The following LTA4H variants were observed in gnomAD, a reference collection of about 807,000 sequenced individuals.
The protein encoded by LTA4H is leukotriene A-4 hydrolase.
LTA4H carries 59 observed loss-of-function variants against 89.8 expected under a neutral mutation model. The ratio of observed to expected loss-of-function variants is 0.66; its 90% CI spans 0.53 to 0.82. The LOEUF (loss-of-function observed/expected upper bound fraction) is 0.82. Among genes scored for constraint, LTA4H ranks in the 40% least tolerant of loss-of-function variants. The pLI, the probability that LTA4H is intolerant of heterozygous loss-of-function variation, is 0.00. For missense variants in LTA4H, 617 were observed against 727.0 expected (o/e 0.85, Z 1.74); for synonymous variants, 227 against 253.1 (o/e 0.90, Z 0.98).
intron 15 of LTA4H, 123 bp downstream of exon 15, chr12:96,008,971 C>T (rs1399161332): frequency 5.1e-5 from 38 of 740,544 alleles, no homozygotes; most frequent in Non-Finnish European, 8.4e-5. Context: ...TTAGATAAAC[C>T]TGACTTTCAA....
chr12:96,030,458 A>G (rs567929163), intron 1 of LTA4H, among the ~76,000 whole-genome samples: 130 of 152,326 alleles, frequency 8.5e-4, no homozygotes, highest in African/African-American at 3.1e-3. Flanking sequence ...CACACATTGA[A>G]TAGGCTTCTA....
At chr12:96,017,494 T>TTTTAA (rs1950395384) in intron 9 of LTA4H, 63 bp downstream of exon 9, 2 of 1,378,258 alleles carry the variant, frequency 1.5e-6, no homozygotes, top group Non-Finnish European at 2.1e-6. Context: ...ACAAGGGATA[T>TTTTAA]TTTAAAATCA....
In LTA4H at chr12:96,022,316, T is replaced by C. The variant is rs974466525; in HGVS notation, c.481-65A>G. 2.1e-5 allele frequency: 22 copies of C among 1,052,520 alleles called. 1 individual carries two copies. The Admixed American group carries it at 4.1e-4, about 19-fold the overall frequency. The allele number at this position is 1,052,520 out of a possible 1,614,324, so 65.2% of individuals were successfully genotyped here. ...GCTTCTATGTGTCTTAAACCATATA[T>C]GTAAAATAACCTTTTCTTCCCATTC... On this transcript the variant is annotated intron_variant, in intron 4 of 18. Coordinates refer to ENST00000228740, the MANE Select transcript of LTA4H (RefSeq NM_000895.3). This position sits in a 1 kb window ranked among gnomAD's most constrained non-coding sequence, Gnocchi z 4.0.
At chr12:96,043,099 G>T (rs956581265) in intron 1 of LTA4H, among the ~76,000 whole-genome samples, 2 of 152,116 alleles carry the variant, frequency 1.3e-5, no homozygotes, top group African/African-American at 4.8e-5. Context: ...TCGCTTTTGT[G>T]TTATTTCTCC....
Position 96,006,304 on chromosome 12 carries a change from T to C in LTA4H, c.1530+10A>G, listed in dbSNP as rs1950200569. The C allele has an allele frequency of 1.3e-6, 2 of 1,561,236 alleles. No individual in the cohort carries two copies. The highest frequency in any genetic ancestry group is 4.5e-5 in the East Asian group (2 of 44,322). On this transcript the variant is annotated intron_variant, in intron 16 of 18. Coordinates refer to ENST00000228740, the MANE Select transcript of LTA4H (RefSeq NM_000895.3). ...CATTTTAATTTCTAAGATTTTGAGC[T>C]AGTACTTACCCTCTGGAGCGTCTGT...
chr12:96,013,085 T>G, intron 14 of LTA4H, 103 bp downstream of exon 14: 2 of 869,170 alleles, frequency 2.3e-6, no homozygotes. Context: ...TTTCATCATT[T>G]ACTAGTAACA....
rs374610737 is a variant in LTA4H, at chr12:96,014,935, G to T, written c.1124C>A (p.Pro375His). 1.9e-6 allele frequency: 3 copies of T among 1,613,658 alleles called. No homozygotes were observed. In the African/African-American group the frequency reaches 4.0e-5, roughly 22 times the overall value. ...GGGAACTGAAGAATAAGCTACATCA[G>T]GGTCTATATCTGTCAGATCAACCAC... ...KLVVDLTDID[P>H]DVAYSSVPYE... The change falls in exon 12 of 19, where the codon CCT becomes CAT. Residue 375 changes from proline (P) to histidine (H), a missense_variant. By Grantham distance (77) the Pro-to-His change is moderately conservative (BLOSUM62 -2). Transcript: ENST00000228740.
At chr12:96,006,483 A>G in intron 15 of LTA4H, 74 bp from the exon 16 acceptor site, 1 of 817,932 alleles carries the variant, frequency 1.2e-6, no homozygotes, top group Admixed American at 2.7e-5. Context: ...CTGACATAAA[A>G]GTAAAAATTG....
Position 96,001,906 on chromosome 12 carries a change from G to A in LTA4H, c.1719-800C>T, listed in dbSNP as rs1004315313. Among the ~76,000 whole-genome samples, 10 of 151,452 alleles carry A rather than the reference G, an allele frequency of 6.6e-5. No homozygotes were observed. In the East Asian group the frequency reaches 1.9e-3, roughly 29 times the overall value. Reference sequence around the variant, plus strand: ...CACTGTCACCCGGGCTGGAGGAGCTGGAGAGCAATGGCGCAATCTCAGCTC... The same window carrying A: ...CACTGTCACCCGGGCTGGAGGAGCTAGAGAGCAATGGCGCAATCTCAGCTC... On this transcript the variant is annotated intron_variant, in intron 18 of 18. Coordinates refer to ENST00000228740, the MANE Select transcript of LTA4H (RefSeq NM_000895.3).
intron 14 of LTA4H, chr12:96,012,338 A>C (rs1265806234): frequency 6.6e-6 from 1 of 152,276 alleles, no homozygotes; most frequent in Admixed American, 6.5e-5. Flanking sequence ...GCCATGGAAC[A>C]TGCCATGGTC....
intron 8 of LTA4H, 85 bp downstream of exon 8, chr12:96,018,678 T>A: frequency 2.1e-6 from 2 of 949,106 alleles, no homozygotes; most frequent in Non-Finnish European, 3.0e-6. Flanking sequence ...GTTCTTTACA[T>A]ATATATACAT....
intron 3 of LTA4H, 75 bp from the exon 4 acceptor site, chr12:96,024,622 A>G (rs1272970576): frequency 2.3e-5 from 22 of 958,392 alleles, no homozygotes; most frequent in Non-Finnish European, 3.3e-5. Flanking sequence ...TAAAAATTGC[A>G]GCATTGTTCT....
intron 1 of LTA4H, among the ~76,000 whole-genome samples, chr12:96,043,043 C>T (rs1228744453): frequency 1.3e-5 from 2 of 152,208 alleles, no homozygotes; most frequent in Non-Finnish European, 1.5e-5. Context: ...AGCACTCTGT[C>T]CTTGGACTGC....
At chr12:96,035,999 A>G (rs1950639055), upstream of LTA4H, among the ~76,000 whole-genome samples, 1 of 152,220 alleles carries the variant, frequency 6.6e-6, no homozygotes, top group Non-Finnish European at 1.5e-5. Flanking sequence ...AAGGCCTATC[A>G]GAAGGCTTTC....
intron 3 of LTA4H, among the ~76,000 whole-genome samples, chr12:96,025,099 A>G (rs1256859410): frequency 6.6e-6 from 1 of 152,192 alleles, no homozygotes; most frequent in Non-Finnish European, 1.5e-5. Context: ...TTCCTACTCT[A>G]TGGTCTGGGT....
chr12:96,004,518 A>G lies in LTA4H; in HGVS notation c.1531-598T>C, dbSNP rs567528084. The stretch of plus-strand genomic sequence containing the variant: ...ATTTCAGGGGGTTTATAAGCATCCT[A>G]TCCCTACCTTAACTCACCCTAAAAG... On this transcript the variant is annotated intron_variant, in intron 16 of 18. Coordinates refer to ENST00000228740, the MANE Select transcript of LTA4H (RefSeq NM_000895.3). Among the ~76,000 whole-genome samples the G allele has an allele frequency of 2.6e-5, 4 of 152,314 alleles. No homozygotes were observed. The South Asian group carries it at 8.3e-4, about 32-fold the overall frequency.
chr12:96,008,264 T>G (rs1030427631), intron 15 of LTA4H, among the ~76,000 whole-genome samples: 1 of 152,212 alleles, frequency 6.6e-6, no homozygotes, highest in Non-Finnish European at 1.5e-5. Flanking sequence ...CTAAATCTTC[T>G]GTTATTTTTC....
chr12:96,001,953 G>T (rs1950111556), intron 18 of LTA4H, among the ~76,000 whole-genome samples: 1 of 152,056 alleles, frequency 6.6e-6, no homozygotes, highest in Non-Finnish European at 1.5e-5. Flanking sequence ...TGCCTCCCGG[G>T]TTCAAGCGAT....
Position 96,013,771 on chromosome 12 carries a change from C to T in LTA4H, c.1287G>A (p.Leu429=), listed in dbSNP as rs1460911677. The T allele has an allele frequency of 5.7e-6, 9 of 1,566,390 alleles. No homozygotes were observed. The East Asian group carries it at 1.4e-4, about 24-fold the overall frequency. ...SITTDDWKDF[L]YSYFKDKVDV... is the part of the protein sequence containing the mutation. Reference sequence around the variant, plus strand: ...CAACCTTATCTTTAAAATAGGAATACAGGAAATCCTTCCAGTCATCAGTAG... The same window carrying T: ...CAACCTTATCTTTAAAATAGGAATATAGGAAATCCTTCCAGTCATCAGTAG... Residue 429 remains leucine (L), a synonymous_variant, in exon 13 of 19, where the codon CTG becomes CTA. Coordinates refer to ENST00000228740, the MANE Select transcript of LTA4H (RefSeq NM_000895.3).
Sources: gnomAD v4.1 joint callset for allele counts (sites outside exome capture counted in the v4.1 genomes callset) on GRCh38, gnomAD v4.1.1 for gene constraint, Gnocchi (gnomAD v3.1) non-coding constraint, MANE v1.5 for transcripts, NCBI Gene and HGNC (gene_info 2026-07-23, HGNC 2026-07-21) for gene names.